Variants in MEGF11 observed in about 807,000 individuals in gnomAD.
The protein encoded by MEGF11 is multiple EGF like domains 11.
Under a neutral mutation model 146.6 loss-of-function variants are expected in MEGF11, and 126 were observed. The observed-to-expected ratio is 0.86, with a 90% CI of 0.74 to 1.00. The LOEUF (loss-of-function observed/expected upper bound fraction) is 1.00. Ranked by LOEUF, MEGF11 falls within the 50% of genes least tolerant of loss-of-function variation. The pLI, the probability that MEGF11 is intolerant of heterozygous loss-of-function variation, is 0.00. For synonymous variants in MEGF11, 532 were observed against 583.4 expected (o/e 0.91, Z 1.27); for missense variants, 1,509 against 1,521.2 (o/e 0.99, Z 0.13).
chr15:66,137,559 C>CTTT (rs10647289), intron 1 of MEGF11, among the ~76,000 whole-genome samples: 6,501 of 142,124 alleles, frequency 0.046, 283 homozygotes, highest in East Asian at 0.23. Flanking sequence ...GACTTTCTTT[C>CTTT]TTTTTTTTTT....
chr15:65,933,332 C>T (rs898843097), intron 10 of MEGF11, among the ~76,000 whole-genome samples: 2 of 152,244 alleles, frequency 1.3e-5, no homozygotes, highest in Non-Finnish European at 2.9e-5. Flanking sequence ...GTATGCCTTT[C>T]TCTTCATGAA....
At chr15:66,227,052 G>A (rs2091869324) in intron 1 of MEGF11, among the ~76,000 whole-genome samples, 1 of 152,210 alleles carries the variant, frequency 6.6e-6, no homozygotes, top group African/African-American at 2.4e-5. Context: ...GGTCCACGGA[G>A]GCCTCTGAAA....
At chr15:66,077,803 G>T (rs925290320) in intron 5 of MEGF11, among the ~76,000 whole-genome samples, 2 of 151,728 alleles carry the variant, frequency 1.3e-5, no homozygotes, top group African/African-American at 4.9e-5. Flanking sequence ...TTCACAGCAG[G>T]GGGGCATCTG....
chr15:66,220,868 T>G (rs1025273724), intron 1 of MEGF11, among the ~76,000 whole-genome samples: 3 of 152,174 alleles, frequency 2.0e-5, no homozygotes, highest in Non-Finnish European at 4.4e-5. Flanking sequence ...AAATCAGCAG[T>G]TCTGATTGTG....
intron 5 of MEGF11, among the ~76,000 whole-genome samples, chr15:66,082,000 T>C (rs538562323): frequency 6.6e-6 from 1 of 151,994 alleles, no homozygotes; most frequent in African/African-American, 2.4e-5. Flanking sequence ...TCGCCAGAAA[T>C]AGAGTCAGCC....
chr15:66,177,296 C>T (rs1171803888), intron 1 of MEGF11, among the ~76,000 whole-genome samples: 2 of 152,076 alleles, frequency 1.3e-5, no homozygotes, highest in Non-Finnish European at 2.9e-5. Context: ...AATGGGTTAT[C>T]GAGAAATTAC....
intron 5 of MEGF11, among the ~76,000 whole-genome samples, chr15:66,068,475 A>T (rs2085231916): frequency 6.6e-6 from 1 of 152,238 alleles, no homozygotes; most frequent in African/African-American, 2.4e-5. Flanking sequence ...CCCTGGCATT[A>T]AAAACCATTG....
intron 5 of MEGF11, among the ~76,000 whole-genome samples, chr15:66,081,881 G>A (rs1169662010): frequency 6.6e-6 from 1 of 152,110 alleles, no homozygotes; most frequent in African/African-American, 2.4e-5. Flanking sequence ...GACCTGTGTC[G>A]AGTCTGTGGG....
chr15:65,992,447 G>GTT (rs1189077554), intron 5 of MEGF11, among the ~76,000 whole-genome samples: 25 of 37,708 alleles, frequency 6.6e-4, no homozygotes, highest in African/African-American at 1.5e-3. Flanking sequence ...CTGTGTGTGT[G>GTT]TGTGGGGGGG....
chr15:65,979,555 C>T (rs547060183), intron 7 of MEGF11, among the ~76,000 whole-genome samples: 2 of 152,264 alleles, frequency 1.3e-5, no homozygotes, highest in East Asian at 1.9e-4. Flanking sequence ...TGAAACGGAG[C>T]GTGTTACTGG....
chr15:66,104,385 G>A (rs1186332552), intron 4 of MEGF11, among the ~76,000 whole-genome samples: 1 of 152,190 alleles, frequency 6.6e-6, no homozygotes. Flanking sequence ...GGAAAGCTTA[G>A]GAACCTCTTA....
At chr15:66,218,760 T>C (rs1413757805) in intron 1 of MEGF11, among the ~76,000 whole-genome samples, 4 of 152,094 alleles carry the variant, frequency 2.6e-5, no homozygotes, top group Non-Finnish European at 5.9e-5. Context: ...TAAAATAGAA[T>C]GTACTTGGAC....
At chr15:65,986,793 C>CTTTTTTTTTT (rs34991788) in intron 5 of MEGF11, among the ~76,000 whole-genome samples, 3 of 121,340 alleles carry the variant, frequency 2.5e-5, no homozygotes, top group African/African-American at 3.1e-5. Context: ...CTGATTTTTC[C>CTTTTTTTTTT]TTTTTTTTTT....
At chr15:65,931,786 T>A (rs1215216494) in intron 10 of MEGF11, among the ~76,000 whole-genome samples, 1 of 152,252 alleles carries the variant, frequency 6.6e-6, no homozygotes, top group Non-Finnish European at 1.5e-5. Context: ...TGATAGCTAA[T>A]GCATATTGAG....
intron 4 of MEGF11, among the ~76,000 whole-genome samples, chr15:66,108,360 G>C (rs1772685111): frequency 6.6e-6 from 1 of 152,162 alleles, no homozygotes; most frequent in South Asian, 2.1e-4. Flanking sequence ...CTATGTGCCT[G>C]GCACATCATG....
chr15:65,928,525 A>G lies in MEGF11; in HGVS notation c.1575T>C (p.Asp525=), dbSNP rs532912022. 1.9e-5 allele frequency: 30 copies of G among 1,594,400 alleles called. No homozygotes were observed. The Admixed American group carries it at 2.6e-4, about 14-fold the overall frequency. ...LGDTCELPCP[D]GTFGLNCSEH... ...CACTGCAGTTCAGCCCAAATGTGCC[A>G]TCCTGTGGAGAAGACAGGGAGAGAA... is the stretch of plus-strand genomic sequence containing the variant. The change falls in exon 13 of 26, where the codon GAT becomes GAC. Residue 525 remains aspartate (D), a splice_region_variant and synonymous_variant. Transcript: ENST00000395614.
chr15:65,926,428 G>T (rs2079374673), intron 13 of MEGF11, among the ~76,000 whole-genome samples: 1 of 152,256 alleles, frequency 6.6e-6, no homozygotes, highest in East Asian at 1.9e-4. Flanking sequence ...ATTATGTGCA[G>T]GGCAAGATGA....
intron 1 of MEGF11, 79 bp from the exon 2 acceptor site, chr15:66,128,490 G>GAAAC (rs1224670355): frequency 7.5e-5 from 57 of 759,092 alleles, no homozygotes; most frequent in Middle Eastern, 2.5e-4. Context: ...ATCGTCGTGG[G>GAAAC]TAATGAGCAT....
At chr15:66,241,532 A>C (rs1012416914) in intron 1 of MEGF11, among the ~76,000 whole-genome samples, 1 of 152,214 alleles carries the variant, frequency 6.6e-6, no homozygotes, top group Non-Finnish European at 1.5e-5. Context: ...CTTAGGCCCC[A>C]TGTGCCTCCA....
Sources: allele counts gnomAD v4.1 joint callset (sites outside exome capture counted in the v4.1 genomes callset), GRCh38; gene constraint gnomAD v4.1.1; transcripts MANE v1.5; gene names NCBI Gene and HGNC (gene_info 2026-07-23, HGNC 2026-07-21).